Variants in TAC3 observed in about 807,000 individuals in gnomAD.
TAC3 encodes the protein tachykinin-3.
A neutral mutation model predicts 16.5 loss-of-function variants in TAC3; 9 were observed. The observed-to-expected ratio is 0.55, with a 90% CI of 0.33 to 0.95. The LOEUF is 0.95. TAC3 is among the 40% of genes least tolerant of loss of function. TAC3 has a pLI of 0.03. For missense variants in TAC3, 129 were observed against 149.1 expected, an observed-to-expected ratio of 0.87 and a Z score of 0.70; for synonymous variants, 52 against 56.7, an observed-to-expected ratio of 0.92 and a Z score of 0.37.
chr12:57,011,900 C>A (rs1592456489), intron 6 of TAC3, among the ~76,000 whole-genome samples: 1 of 152,202 alleles, frequency 6.6e-6, no homozygotes, highest in Non-Finnish European at 1.5e-5. Context: ...GCATTTCTTC[C>A]TGAATCATCC....
intron 6 of TAC3, chr12:57,010,810 C>T (rs1374015831): frequency 2.6e-5 from 4 of 152,230 alleles, no homozygotes; most frequent in Non-Finnish European, 4.4e-5. Context: ...TCCCAGAAAC[C>T]TTATGTCCTA....
chr12:57,010,386 G>T (rs144284845), intron 6 of TAC3, 98 bp from the exon 7 acceptor site: 1 of 355,012 alleles, frequency 2.8e-6, no homozygotes, highest in African/African-American at 2.1e-5. Flanking sequence ...GGCAGCAGGA[G>T]AGAAGGGGAG....
chr12:57,016,237 C>A (rs1278285083), intron 1 of TAC3, 150 bp downstream of exon 1: 2 of 349,116 alleles, frequency 5.7e-6, no homozygotes, highest in African/African-American at 2.1e-5. Flanking sequence ...CAAACACCAA[C>A]CAGCTCTCGG....
At chr12:57,010,432 C>T in intron 6 of TAC3, 144 bp from the exon 7 acceptor site, 1 of 341,498 alleles carries the variant, frequency 2.9e-6, no homozygotes, top group Non-Finnish European at 5.7e-6. Context: ...AAGTCTTGAC[C>T]CTCAGCCTGC....
chr12:57,015,620 T>C (rs1452822080), intron 2 of TAC3, 64 bp downstream of exon 2: 1 of 1,450,904 alleles, frequency 6.9e-7, no homozygotes, highest in Non-Finnish European at 9.6e-7. Context: ...TCACTACAGC[T>C]GTCCAGACAG....
At chr12:57,013,515 C>T in intron 3 of TAC3, 63 bp downstream of exon 3, 2 of 1,594,912 alleles carry the variant, frequency 1.3e-6, no homozygotes, top group Admixed American at 1.7e-5. Context: ...GAAAGGATCT[C>T]CCAGGCCTCT....
At chr12:57,012,332 G>GCCCCCAA in intron 6 of TAC3, 46 bp downstream of exon 6, 8 of 1,498,460 alleles carry the variant, frequency 5.3e-6, no homozygotes, top group Middle Eastern at 2.2e-4. Flanking sequence ...AACCCCCACA[G>GCCCCCAA]CCCCCTCCCC....
intron 6 of TAC3, chr12:57,010,905 C>G (rs902476699): frequency 1.3e-5 from 2 of 152,234 alleles, no homozygotes; most frequent in African/African-American, 4.8e-5. Flanking sequence ...CTGAAAGAGC[C>G]TGGATGCACA....
intron 6 of TAC3, 53 bp from the exon 7 acceptor site, chr12:57,010,341 T>A (rs903656188): frequency 5.5e-6 from 2 of 364,896 alleles, no homozygotes; most frequent in South Asian, 4.3e-5. Context: ...TCACATCTTA[T>A]ATCCTGTAAA....
At chr12:57,012,789 A>G (rs1565633375) in intron 5 of TAC3, 33 bp downstream of exon 5, 1 of 1,614,008 alleles carries the variant, frequency 6.2e-7, no homozygotes, top group Non-Finnish European at 8.5e-7. Context: ...CCAGTACCCT[A>G]AGCCCTTCCA....
chr12:57,015,698 C>T lies in TAC3; in HGVS notation c.100G>A (p.Gly34Arg), dbSNP rs149661186. The T allele has an allele frequency of 1.3e-5, 21 of 1,613,896 alleles. No individual in the cohort carries two copies. Among genetic ancestry groups the T allele is most frequent in the East Asian group, 8.9e-5 (4 of 44,878 alleles). ...GGGAGACTTACCTTGCTGCGGCCCCCGCCAGGAACCACCTCCTCCTGTGGC... is the reference window on the plus strand; with the variant it reads ...GGGAGACTTACCTTGCTGCGGCCCCTGCCAGGAACCACCTCCTCCTGTGGC... ...KEPQEEVVPG[G>R]GRSKRDPDLY... The change falls in exon 2 of 7, where the codon GGG (glycine) becomes AGG (arginine). Residue 34 changes from glycine to arginine, a missense_variant. Transcript: ENST00000458521.
intron 2 of TAC3, among the ~76,000 whole-genome samples, chr12:57,014,926 C>A (rs983090942): frequency 2.0e-5 from 3 of 152,164 alleles, no homozygotes; most frequent in Non-Finnish European, 2.9e-5. Context: ...AAGTCCCACC[C>A]GCAATCATCT....
intron 6 of TAC3, 25 bp from the exon 7 acceptor site, chr12:57,010,313 CA>C (rs201412483): frequency 1.3e-4 from 47 of 374,192 alleles, no homozygotes; most frequent in Non-Finnish European, 1.7e-4. Flanking sequence ...CAAAACAAAA[CA>C]AAAAAAAACA....
intron 2 of TAC3, among the ~76,000 whole-genome samples, chr12:57,014,837 T>C (rs1425110166): frequency 6.6e-6 from 1 of 152,200 alleles, no homozygotes; most frequent in African/African-American, 2.4e-5. Context: ...TGTTGAATAC[T>C]CTGCCCACCT....
At chr12:57,010,895 C>T (rs893027456) in intron 6 of TAC3, 1 of 152,210 alleles carries the variant, frequency 6.6e-6, no homozygotes, top group African/African-American at 2.4e-5. Context: ...ATGGGTCCCT[C>T]TGAAAGAGCC....
chr12:57,011,323 C>A (rs1956294749), intron 6 of TAC3, among the ~76,000 whole-genome samples: 1 of 152,164 alleles, frequency 6.6e-6, no homozygotes, highest in Non-Finnish European at 1.5e-5. Flanking sequence ...AAGCAGGAGG[C>A]TCTCCATGAT....
chr12:57,015,417 G>T (rs1565634553), intron 2 of TAC3, among the ~76,000 whole-genome samples: 1 of 151,998 alleles, frequency 6.6e-6, no homozygotes, highest in African/African-American at 2.4e-5. Context: ...CAATCACCAA[G>T]TCTCCCATCA....
chr12:57,012,845 A>G lies in TAC3; in HGVS notation c.269T>C (p.Met90Thr), dbSNP rs121918123. The change falls in exon 5 of 7, where the codon ATG becomes ACG. Residue 90 changes from methionine to threonine, a missense_variant. Transcript: ENST00000458521. ...ACCTGGCTGGACGCTCCTCTTGCCC[A>G]TAAGTCCCACAAAGAAGTCATGCAT... ...RDMHDFFVGL[M>T]GKRSVQPDSP... The G allele has an allele frequency of 5.6e-6, 9 of 1,614,048 alleles. No individual in the cohort carries two copies. The highest frequency in any genetic ancestry group is 7.6e-6 in the Non-Finnish European group (9 of 1,180,018).
rs1299242819 is a variant in TAC3, at chr12:57,016,408, G to A, written c.-27C>T. 4.4e-6 allele frequency: 2 copies of A among 452,584 alleles called. No homozygotes were observed. Among genetic ancestry groups the A allele is most frequent in the Non-Finnish European group, 8.9e-6 (2 of 225,288 alleles). The allele number at this position is 452,584 out of a possible 1,614,324, so 28.0% of individuals were successfully genotyped here. On this transcript the variant is annotated 5_prime_UTR_variant, in exon 1 of 7. Transcript: ENST00000458521. ...CTACCTGTGGAGCAGCTCTGTGCCGGGGGCTGGGTGGTCTGGCAGGATCAA... is the reference window on the plus strand; with the variant it reads ...CTACCTGTGGAGCAGCTCTGTGCCGAGGGCTGGGTGGTCTGGCAGGATCAA...
Sources: allele counts gnomAD v4.1 joint callset (sites outside exome capture counted in the v4.1 genomes callset), GRCh38; gene constraint gnomAD v4.1.1; transcripts MANE v1.5; gene names NCBI Gene and HGNC (gene_info 2026-07-23, HGNC 2026-07-21).